The following DGKB variants were observed in gnomAD, a reference collection of about 807,000 sequenced individuals.
DGKB encodes diacylglycerol kinase beta, also known as 90 kDa diacylglycerol kinase.
In DGKB, 67 loss-of-function variants were observed where a neutral mutation model predicts 114.3. The observed-to-expected ratio is 0.59, with a 90% CI of 0.48 to 0.72. DGKB has a LOEUF of 0.72. Among genes scored for constraint, DGKB ranks in the 30% least tolerant of loss-of-function variants. DGKB has a pLI of 0.00. For missense variants in DGKB, 907 were observed against 975.2 expected (o/e 0.93, Z 0.93); for synonymous variants, 398 against 323.1 (o/e 1.23, Z -2.49).
chr7:14,729,129 T>TG (rs2128381436), intron 5 of DGKB, among the ~76,000 whole-genome samples: 1 of 145,696 alleles, frequency 6.9e-6, no homozygotes, highest in South Asian at 2.2e-4. Context: ...CTTTCTTTTT[T>TG]TTTTTTTTTT....
chr7:14,552,279 C>T (rs570787645), intron 20 of DGKB, among the ~76,000 whole-genome samples: 4 of 152,156 alleles, frequency 2.6e-5, no homozygotes, highest in East Asian at 1.9e-4. Flanking sequence ...TTAGACAATA[C>T]GCATTTGTGG....
intron 19 of DGKB, among the ~76,000 whole-genome samples, chr7:14,574,884 T>A (rs1341173099): frequency 6.6e-6 from 1 of 152,216 alleles, no homozygotes; most frequent in African/African-American, 2.4e-5. Context: ...GCTTTAAAAT[T>A]TCGTTTCTTA....
chr7:14,742,341 T>C (rs1832698477), intron 4 of DGKB, among the ~76,000 whole-genome samples: 1 of 152,222 alleles, frequency 6.6e-6, no homozygotes, highest in African/African-American at 2.4e-5. Flanking sequence ...GATTTTTATA[T>C]AAAAGCACTC....
intron 23 of DGKB, among the ~76,000 whole-genome samples, chr7:14,311,437 T>C (rs1805377127): frequency 6.6e-6 from 1 of 152,174 alleles, no homozygotes; most frequent in African/African-American, 2.4e-5. Flanking sequence ...TCATTTTTTT[T>C]TTTAGACAAG....
chr7:14,499,527 G>A (rs1271716344), intron 20 of DGKB, among the ~76,000 whole-genome samples: 1 of 151,740 alleles, frequency 6.6e-6, no homozygotes, highest in Admixed American at 6.6e-5. Flanking sequence ...AATACCAAAA[G>A]TTAGAAGGAA....
chr7:14,624,974 A>G (rs1808317481), intron 14 of DGKB, among the ~76,000 whole-genome samples: 1 of 152,068 alleles, frequency 6.6e-6, no homozygotes, highest in South Asian at 2.1e-4. Context: ...CTCCATCCTG[A>G]GAGACAGAGT....
intron 12 of DGKB, among the ~76,000 whole-genome samples, chr7:14,680,779 A>G (rs1179420069): frequency 6.6e-6 from 1 of 152,016 alleles, no homozygotes; most frequent in Non-Finnish European, 1.5e-5. Flanking sequence ...TCAAATACAG[A>G]AAATTCTAAC....
At chr7:14,912,230 A>G (rs1419611580) in intron 1 of DGKB, among the ~76,000 whole-genome samples, 2 of 152,128 alleles carry the variant, frequency 1.3e-5, no homozygotes, top group Non-Finnish European at 2.9e-5. Flanking sequence ...ACATCCTCAT[A>G]TGTTTCATAT....
chr7:14,628,307 A>G (rs200253741), intron 14 of DGKB, among the ~76,000 whole-genome samples: 6 of 150,574 alleles, frequency 4.0e-5, no homozygotes, highest in South Asian at 2.1e-4. Context: ...AACACAAGTT[A>G]TGTGTGTGTG....
At chr7:14,460,420 G>C (rs1306880333) in intron 21 of DGKB, among the ~76,000 whole-genome samples, 1 of 148,062 alleles carries the variant, frequency 6.8e-6, no homozygotes, top group South Asian at 2.2e-4. Flanking sequence ...CAAGCAAATG[G>C]AAAGCAAAGA....
chr7:14,959,790 T>C (rs934302080), intron 1 of DGKB, among the ~76,000 whole-genome samples: 5 of 151,704 alleles, frequency 3.3e-5, no homozygotes, highest in Non-Finnish European at 7.4e-5. Flanking sequence ...CAGTTTTCTA[T>C]AGTATTTATC....
chr7:14,383,781 G>C (rs1257510745), intron 21 of DGKB, among the ~76,000 whole-genome samples: 2 of 152,222 alleles, frequency 1.3e-5, no homozygotes, highest in Non-Finnish European at 2.9e-5. Flanking sequence ...CAAAATTTCA[G>C]AAGAGGCTGG....
intron 17 of DGKB, among the ~76,000 whole-genome samples, chr7:14,597,678 C>A (rs934079898): frequency 1.3e-5 from 2 of 152,060 alleles, no homozygotes; most frequent in South Asian, 2.1e-4. Context: ...CAGGAAAAGA[C>A]TGGCTGAAGG....
chr7:14,375,502 A>G (rs1818333216), intron 21 of DGKB, among the ~76,000 whole-genome samples: 1 of 152,222 alleles, frequency 6.6e-6, no homozygotes, highest in Admixed American at 6.5e-5. Context: ...TAAAGTATTC[A>G]TTTCAGATCA....
intron 23 of DGKB, among the ~76,000 whole-genome samples, chr7:14,215,351 C>T (rs116233362): frequency 0.035 from 5,363 of 152,084 alleles, 222 homozygotes; most frequent in African/African-American, 0.099. Flanking sequence ...AAAAAAGAGG[C>T]AATGTATTTA....
At chr7:14,379,711 C>T (rs1819091062) in intron 21 of DGKB, among the ~76,000 whole-genome samples, 1 of 152,134 alleles carries the variant, frequency 6.6e-6, no homozygotes, top group Non-Finnish European at 1.5e-5. Flanking sequence ...AGGCACGTGC[C>T]ACCACGCCAG....
chr7:14,498,214 A>AT (rs1785585302), intron 20 of DGKB, among the ~76,000 whole-genome samples: 1 of 151,840 alleles, frequency 6.6e-6, no homozygotes, highest in African/African-American at 2.4e-5. Context: ...CACCTTACAC[A>AT]TTCTCCTTAA....
chr7:14,758,087 C>A (rs946757095), intron 2 of DGKB, among the ~76,000 whole-genome samples: 3 of 152,014 alleles, frequency 2.0e-5, no homozygotes, highest in South Asian at 2.1e-4. Context: ...CTAAAGCCTA[C>A]TTTAGTAATT....
chr7:14,707,105 A>C (rs1826406969), intron 6 of DGKB, among the ~76,000 whole-genome samples: 2 of 140,814 alleles, frequency 1.4e-5, no homozygotes, highest in African/African-American at 5.4e-5. Context: ...GAAGAATCAA[A>C]TAGACGCAAT....
Sources: allele counts gnomAD v4.1 joint callset (sites outside exome capture counted in the v4.1 genomes callset), GRCh38; gene constraint gnomAD v4.1.1; transcripts MANE v1.5; gene names NCBI Gene and HGNC (gene_info 2026-07-23, HGNC 2026-07-21).